Variants in THAP4 observed in about 807,000 individuals in gnomAD.
THAP4 encodes peroxynitrite isomerase THAP4.
In THAP4, 18 loss-of-function variants were observed where a neutral mutation model predicts 48.1. The observed-to-expected ratio is 0.37, with a 90% confidence interval of 0.26 to 0.56. The LOEUF (loss-of-function observed/expected upper bound fraction) is 0.56. THAP4 is among the 20% of genes least tolerant of loss of function. The probability of loss-of-function intolerance (pLI) is 0.78; values close to 1 mark genes in which losing one functional copy is unlikely to be tolerated. For synonymous variants in THAP4, 345 were observed against 324.9 expected, an observed-to-expected ratio of 1.06 and a Z score of -0.66; for missense variants, 656 against 774.9, an observed-to-expected ratio of 0.85 and a Z score of 1.82.
Position 241,601,987 on chromosome 2 carries a change from A to C in THAP4, c.1523T>G (p.Val508Gly). The C allele has an allele frequency of 6.2e-7, 1 of 1,611,720 alleles. No individual in the cohort carries two copies. Among genetic ancestry groups the C allele is most frequent in the Non-Finnish European group, 8.5e-7 (1 of 1,179,772 alleles). The change falls in exon 5 of 6, where the codon GTG (valine) becomes GGG (glycine). Residue 508 changes from valine to glycine, a missense_variant. By Grantham distance (109) the Val-to-Gly change is moderately radical. Coordinates refer to ENST00000407315, the MANE Select transcript of THAP4 (RefSeq NM_015963.6). The surrounding 1 kb of genome is among the most constrained non-coding windows in gnomAD (Gnocchi z 4.0). ...VSAQNTGVVEVEEGEVNGQEL... is the reference protein window; with the variant it reads ...VSAQNTGVVEGEEGEVNGQEL... ...CTGCCCGTTCACCTCGCCCTCCTCCACTTCCACCACGCCTGCAAGGGAAGG... is the reference window on the plus strand; with the variant it reads ...CTGCCCGTTCACCTCGCCCTCCTCCCCTTCCACCACGCCTGCAAGGGAAGG...
chr2:241,629,707 G>A (rs1472398231), intron 2 of THAP4, among the ~76,000 whole-genome samples: 1 of 151,534 alleles, frequency 6.6e-6, no homozygotes, highest in African/African-American at 2.4e-5. Flanking sequence ...GACGTTAAAC[G>A]GGACAAAAAG....
intron 2 of THAP4, among the ~76,000 whole-genome samples, chr2:241,631,448 A>C (rs1391585304): frequency 6.6e-6 from 1 of 152,192 alleles, no homozygotes; most frequent in Non-Finnish European, 1.5e-5. Flanking sequence ...AATAGAGCTA[A>C]TATACATACA....
chr2:241,607,071 C>T (rs922835133), intron 2 of THAP4, among the ~76,000 whole-genome samples: 2 of 152,096 alleles, frequency 1.3e-5, no homozygotes, highest in South Asian at 2.1e-4. Context: ...AGTAAGACCC[C>T]GCTTCCCTGA....
At position 241,633,655 on chromosome 2, in the gene THAP4, G is replaced by C; in HGVS notation, c.502C>G (p.Gln168Glu). ...CCTGGAGTCCGTTCCAGAGCTTGCT[G>C]GGCCTGCTCCTGGCTGGCGGCCTCC... ...AQEAASQEQAQQALERTPGDG... is the reference protein window; with the variant it reads ...AQEAASQEQAEQALERTPGDG... Residue 168 changes from glutamine to glutamate, a missense_variant, in exon 2 of 6, where the codon CAG (glutamine) becomes GAG (glutamate). By Grantham distance (29) the Gln-to-Glu change is conservative. Around this residue, in one of 4 missense-constraint regions of THAP4, gnomAD observed 391 missense variants for 412.4 expected, o/e 0.95. Transcript: ENST00000407315. The surrounding 1 kb of genome is among the most constrained non-coding windows in gnomAD (Gnocchi z 7.5). 1 of 1,612,426 alleles carries C rather than the reference G, an allele frequency of 6.2e-7. No individual in the cohort carries two copies. Among genetic ancestry groups the C allele is most frequent in the Admixed American group, 1.7e-5 (1 of 60,000 alleles).
At chr2:241,637,280 G>C (rs1170553570), upstream of THAP4, 19 of 1,106,914 alleles carry the variant, frequency 1.7e-5, no homozygotes, top group Non-Finnish European at 2.0e-5. Context: ...AGCGTCCGTC[G>C]GCAGGCGGGC....
intron 5 of THAP4, among the ~76,000 whole-genome samples, chr2:241,590,954 C>T (rs36159888): frequency 3.3e-5 from 5 of 150,682 alleles, no homozygotes; most frequent in Non-Finnish European, 5.9e-5. Context: ...CAGAGCTGCT[C>T]GGCTGACGAT....
intron 2 of THAP4, among the ~76,000 whole-genome samples, chr2:241,623,225 T>C (rs2067456179): frequency 6.6e-6 from 1 of 150,958 alleles, no homozygotes; most frequent in African/African-American, 2.4e-5. Context: ...AAAATAATAA[T>C]AATAATAAAA....
At chr2:241,632,677 C>A (rs934402034) in intron 2 of THAP4, among the ~76,000 whole-genome samples, 10 of 152,220 alleles carry the variant, frequency 6.6e-5, no homozygotes, top group Non-Finnish European at 1.3e-4. Context: ...GTGCTGCCTG[C>A]CTCCTTCACG....
intron 2 of THAP4, among the ~76,000 whole-genome samples, chr2:241,628,573 G>A (rs991879469): frequency 4.0e-5 from 6 of 151,326 alleles, no homozygotes; most frequent in South Asian, 2.1e-4. Context: ...TGCTACCACC[G>A]CCACTTCCTC....
chr2:241,585,923 A>T (rs1036563274), intron 5 of THAP4, among the ~76,000 whole-genome samples: 2 of 144,428 alleles, frequency 1.4e-5, no homozygotes, highest in Admixed American at 6.9e-5. Context: ...AAAAAAAAAA[A>T]AAAAAAGAAA....
At chr2:241,603,872 C>T (rs1033414653) in intron 3 of THAP4, among the ~76,000 whole-genome samples, 5 of 152,048 alleles carry the variant, frequency 3.3e-5, no homozygotes, top group African/African-American at 4.8e-5. Context: ...AAAACTAACT[C>T]GCTGGCATGG....
intron 2 of THAP4, among the ~76,000 whole-genome samples, chr2:241,623,258 C>G (rs1229361748): frequency 6.6e-6 from 1 of 151,100 alleles, no homozygotes; most frequent in African/African-American, 2.4e-5. Context: ...CAAAAAAACC[C>G]CACTTTGAAT....
At chr2:241,637,428 T>C (rs1233218044), upstream of THAP4, 12 of 1,464,024 alleles carry the variant, frequency 8.2e-6, no homozygotes, top group South Asian at 1.4e-4. Flanking sequence ...TCCTGGGTCC[T>C]CTAAGAGGAG....
At chr2:241,607,371 C>G (rs954268013) in intron 2 of THAP4, among the ~76,000 whole-genome samples, 1 of 151,898 alleles carries the variant, frequency 6.6e-6, no homozygotes, top group Non-Finnish European at 1.5e-5. Context: ...GCTGGATGCA[C>G]GGGCCCTGCT....
rs531634451 is a variant in THAP4 at position 241,624,129 on chromosome 2, G to A, written c.1240+8788C>T. ...TTCCCTGGGTTTGATAATCTGCTAG[G>A]AGGCTCTCAGAACCCAGAAAAAGAG... On this transcript the variant is annotated intron_variant, in intron 2 of 5. Coordinates refer to ENST00000407315, the MANE Select transcript of THAP4 (RefSeq NM_015963.6). 2.2e-4 allele frequency among the ~76,000 whole-genome samples: 34 copies of A among 152,276 alleles called. No individual in the cohort carries two copies. The Middle Eastern group carries it at 0.014, about 61-fold the overall frequency.
intron 3 of THAP4, among the ~76,000 whole-genome samples, chr2:241,604,236 A>AATTTATTTATTT (rs201924569): frequency 6.7e-6 from 1 of 150,278 alleles, no homozygotes; most frequent in Admixed American, 6.6e-5. Context: ...ACACCCGGCT[A>AATTTATTTATTT]ATTTATTTAT....
chr2:241,617,603 T>C, intron 2 of THAP4: 1 of 785,594 alleles, frequency 1.3e-6, no homozygotes, highest in South Asian at 1.8e-5. Context: ...TAAAAGACAA[T>C]GACAGCCCAG....
intron 2 of THAP4, among the ~76,000 whole-genome samples, chr2:241,627,338 G>C (rs2067506037): frequency 6.6e-6 from 1 of 152,216 alleles, no homozygotes. Context: ...CTGAACTTAG[G>C]AAACAGGTGA....
chr2:241,603,139 C>G, intron 3 of THAP4, 60 bp from the exon 4 acceptor site: 1 of 1,392,108 alleles, frequency 7.2e-7, no homozygotes, highest in South Asian at 1.2e-5. Context: ...GCGTGGGCTG[C>G]GTGGATGCCA....
Sources: gnomAD v4.1 joint callset for allele counts (sites outside exome capture counted in the v4.1 genomes callset) on GRCh38, gnomAD v4.1.1 for gene constraint, gnomAD v4.1.1 regional missense constraint, Gnocchi (gnomAD v3.1) non-coding constraint, MANE v1.5 for transcripts, NCBI Gene and HGNC (gene_info 2026-07-23, HGNC 2026-07-21) for gene names.